TFDP1: variants seen among roughly 807,000 people sequenced by gnomAD.
TFDP1 encodes the protein transcription factor Dp-1, also known as DRTF1-polypeptide 1.
Under a neutral mutation model 48.0 loss-of-function variants are expected in TFDP1, and 6 were observed. That is an observed-to-expected ratio of 0.13 (90% confidence interval 0.07 to 0.25). TFDP1 has a LOEUF of 0.25. Ranked by LOEUF, TFDP1 falls within the 10% of genes least tolerant of loss-of-function variation. TFDP1 has a pLI of 1.00. For missense variants in TFDP1, 335 were observed against 543.0 expected (o/e 0.62, Z 3.81); for synonymous variants, 201 against 211.6 (o/e 0.95, Z 0.44).
chr13:113,638,445 C>T lies in TFDP1; in HGVS notation c.1085+549C>T, dbSNP rs184752075. Among the ~76,000 whole-genome samples the T allele has an allele frequency of 5.9e-5, 9 of 152,160 alleles. No homozygotes were observed. The East Asian group carries it at 1.2e-3, about 20-fold the overall frequency. On this transcript the variant is annotated intron_variant, in intron 11 of 11. Coordinates refer to ENST00000375370, the MANE Select transcript of TFDP1 (RefSeq NM_007111.5). ...CACGGCGCACGTGTTTTTCAGAACG[C>T]GTCTGCGGTCTCGGCGCACGTGCTG...
intron 1 of TFDP1, 69 bp downstream of exon 1, chr13:113,584,957 CACCCCATCCCTT>C (rs1020290052): frequency 1.4e-5 from 2 of 146,462 alleles, no homozygotes; most frequent in African/African-American, 4.9e-5. Context: ...GACCCCCGGC[CACCCCATCCCTT>C]GCCCCGGCCG....
chr13:113,627,680 G>C lies in TFDP1; in HGVS notation c.187-3943G>C, dbSNP rs1313461301. On this transcript the variant is annotated intron_variant, in intron 4 of 11. Coordinates refer to ENST00000375370, the MANE Select transcript of TFDP1 (RefSeq NM_007111.5). This position sits in a 1 kb window ranked among gnomAD's most constrained non-coding sequence, Gnocchi z 4.1. ...GGAAGCTGGCCGCACAGCCGCCTGA[G>C]CCCTGCCTCCTGTCAGATCCCAGCA... is the stretch of plus-strand genomic sequence containing the variant. 6.6e-6 allele frequency among the ~76,000 whole-genome samples: 1 copy of C among 151,240 alleles called. No individual in the cohort carries two copies. Among genetic ancestry groups the C allele is most frequent in the Non-Finnish European group, 1.5e-5 (1 of 68,024 alleles).
chr13:113,611,088 T>A, intron 3 of TFDP1, 26 bp downstream of exon 3: 2 of 1,597,214 alleles, frequency 1.3e-6, no homozygotes, highest in Non-Finnish European at 1.7e-6. Context: ...CTGGACACAC[T>A]CTTGTGTTGA....
rs2048162471 is a variant in TFDP1 at position 113,592,153 on chromosome 13, C to T, written c.12+6304C>T. On this transcript the variant is annotated intron_variant, in intron 2 of 11. Coordinates refer to ENST00000375370, the MANE Select transcript of TFDP1 (RefSeq NM_007111.5). ...CTTCCCGTTAGTCTTTTATGTGAAT[C>T]CTGTTTGTTTGTTTGTTTCGAGACG... Among the ~76,000 whole-genome samples the T allele has an allele frequency of 2.0e-5, 3 of 150,708 alleles. No individual in the cohort carries two copies. In the South Asian group the frequency reaches 6.3e-4, roughly 32 times the overall value.
At position 113,636,564 on chromosome 13, in the gene TFDP1, A is replaced by C. The variant is rs1238751486; in HGVS notation, c.870A>C (p.Thr290=). ...AGTATCTGTTTAATTTTGACAACAC[A>C]TTTGAAATCCACGATGACATAGAAG... The part of the protein sequence containing the change: ...KFEYLFNFDN[T]FEIHDDIEVL... Residue 290 remains threonine, a synonymous_variant, in exon 10 of 12, where the codon ACA becomes ACC. Coordinates refer to ENST00000375370, the MANE Select transcript of TFDP1 (RefSeq NM_007111.5). 6.2e-7 allele frequency: 1 copy of C among 1,614,142 alleles called. No individual in the cohort carries two copies.
chr13:113,638,464 C>T (rs1009755435), intron 11 of TFDP1, among the ~76,000 whole-genome samples: 1 of 151,760 alleles, frequency 6.6e-6, no homozygotes, highest in Non-Finnish European at 1.5e-5. Context: ...TCTCGGCGCA[C>T]GTGCTGCGAT....
chr13:113,618,482 C>G (rs144557677), intron 3 of TFDP1, among the ~76,000 whole-genome samples: 231 of 152,310 alleles, frequency 1.5e-3, no homozygotes, highest in African/African-American at 5.5e-3. Context: ...GATTCTACAA[C>G]TGCACTCCAG....
intron 2 of TFDP1, among the ~76,000 whole-genome samples, chr13:113,610,124 G>T (rs1243857095): frequency 1.3e-5 from 2 of 152,186 alleles, no homozygotes; most frequent in Non-Finnish European, 2.9e-5. Flanking sequence ...TGCTCTTGCC[G>T]TGTGGCTGTA....
At chr13:113,637,322 A>C in intron 10 of TFDP1, 1 of 277,622 alleles carries the variant, frequency 3.6e-6, no homozygotes, top group Non-Finnish European at 7.0e-6. Context: ...ATTCCCTGAG[A>C]GGGTCAGAGA....
intron 2 of TFDP1, among the ~76,000 whole-genome samples, chr13:113,601,025 G>A (rs1346076948): frequency 1.3e-5 from 2 of 152,206 alleles, no homozygotes; most frequent in African/African-American, 2.4e-5. Flanking sequence ...CACTCGGAGC[G>A]TGTTTGTGAG....
At chr13:113,631,484 G>A (rs1461290471) in intron 4 of TFDP1, 139 bp from the exon 5 acceptor site, 7 of 1,143,514 alleles carry the variant, frequency 6.1e-6, no homozygotes, top group East Asian at 5.7e-5. Context: ...ACCGCTGGAC[G>A]TTTTTCCTGC....
In TFDP1 at chr13:113,607,252, G is replaced by C. The variant is rs779346113; in HGVS notation, c.13-3744G>C. On this transcript the variant is annotated intron_variant, in intron 2 of 11. Coordinates refer to ENST00000375370, the MANE Select transcript of TFDP1 (RefSeq NM_007111.5). The surrounding 1 kb of genome is among the most constrained non-coding windows in gnomAD (Gnocchi z 5.2). ...CATCCCCCTGCCTCCTGAGCCCAGA[G>C]CTTCTCCAGGAGAAAGCTGAGGAAA... is the stretch of plus-strand genomic sequence containing the variant. Among the ~76,000 whole-genome samples, 8 of 152,230 alleles carry C rather than the reference G, an allele frequency of 5.3e-5. No individual in the cohort carries two copies. The highest frequency in any genetic ancestry group is 1.2e-4 in the Non-Finnish European group (8 of 68,034).
chr13:113,639,732 G>T (rs1369810375), intron 11 of TFDP1, among the ~76,000 whole-genome samples: 2 of 152,206 alleles, frequency 1.3e-5, no homozygotes, highest in Admixed American at 6.5e-5. Context: ...ATCCTGTCCT[G>T]CCCCGGGCTC....
chr13:113,624,592 T>C, intron 4 of TFDP1, among the ~76,000 whole-genome samples: 2 of 145,040 alleles, frequency 1.4e-5, no homozygotes, highest in Non-Finnish European at 3.0e-5. Flanking sequence ...TCACATGTCC[T>C]CAGGTGTGTC....
intron 3 of TFDP1, among the ~76,000 whole-genome samples, chr13:113,611,567 T>G (rs758286106): frequency 6.6e-6 from 1 of 152,088 alleles, no homozygotes. Context: ...GGAAGTCAGC[T>G]GGAGAGGTTG....
chr13:113,634,136 C>A, intron 7 of TFDP1, 103 bp downstream of exon 7: 1 of 1,519,118 alleles, frequency 6.6e-7, no homozygotes, highest in Non-Finnish European at 9.1e-7. Context: ...CCCTTATGCT[C>A]TCTGTGTCCG....
At chr13:113,628,566 G>A (rs768590273) in intron 4 of TFDP1, among the ~76,000 whole-genome samples, 1 of 152,246 alleles carries the variant, frequency 6.6e-6, no homozygotes, top group Non-Finnish European at 1.5e-5. Context: ...GAGGCTCCTG[G>A]ATCTCCTGGA....
chr13:113,615,339 G>C (rs2048830316), intron 3 of TFDP1, among the ~76,000 whole-genome samples: 1 of 152,188 alleles, frequency 6.6e-6, no homozygotes, highest in African/African-American at 2.4e-5. Flanking sequence ...CTCATATCAT[G>C]CCTACGGCCC....
Position 113,640,165 on chromosome 13 carries a change from T to C in TFDP1, c.1131T>C (p.Asn377=). The C allele has an allele frequency of 6.2e-7, 1 of 1,612,476 alleles. No individual in the cohort carries two copies. The highest frequency in any genetic ancestry group is 1.7e-5 in the Admixed American group (1 of 59,682). The change falls in exon 12 of 12, where the codon AAT becomes AAC. Residue 377 remains asparagine, a synonymous_variant. Coordinates refer to ENST00000375370, the MANE Select transcript of TFDP1 (RefSeq NM_007111.5). The stretch of plus-strand genomic sequence containing the variant: ...ATGGGATGCTGGCCACAAGCTCCAA[T>C]GGGTCTCAGTACAGCGGCTCCAGGG... ...GADGMLATSS[N]GSQYSGSRVE... is the part of the protein sequence containing the mutation.
Sources: allele counts gnomAD v4.1 joint callset (sites outside exome capture counted in the v4.1 genomes callset), GRCh38; gene constraint gnomAD v4.1.1; non-coding constraint Gnocchi (gnomAD v3.1); transcripts MANE v1.5; gene names NCBI Gene and HGNC (gene_info 2026-07-23, HGNC 2026-07-21).